Variants in NF1 observed in about 807,000 individuals in gnomAD.
NF1 encodes the protein neurofibromin 1, also known as neurofibromin.
A neutral mutation model predicts 325.7 loss-of-function variants in NF1; 122 were observed. That is an observed-to-expected ratio of 0.37 (90% confidence interval 0.32 to 0.44). The LOEUF (loss-of-function observed/expected upper bound fraction) is 0.44, where lower values mean the gene tolerates loss of function less well. Among genes scored for constraint, NF1 ranks in the 20% least tolerant of loss-of-function variants. The pLI is 1.00. For synonymous variants in NF1, 1,091 were observed against 1,186.0 expected (o/e 0.92, Z 1.65); for missense variants, 2,140 against 3,415.4 (o/e 0.63, Z 9.31).
chr17:31,237,734 A>G (rs2067228241), intron 29 of NF1, among the ~76,000 whole-genome samples: 1 of 150,546 alleles, frequency 6.6e-6, no homozygotes, highest in African/African-American at 2.5e-5. Flanking sequence ...GTGCCCTACA[A>G]TTTTACTGAA....
chr17:31,242,182 C>A (rs907554665), intron 29 of NF1, among the ~76,000 whole-genome samples: 1 of 151,458 alleles, frequency 6.6e-6, no homozygotes, highest in African/African-American at 2.4e-5. Flanking sequence ...TATCCTTGAC[C>A]TTTGGGAGTC....
Position 31,265,166 on chromosome 17 carries a change from A to G in NF1, c.4725-63A>G, listed in dbSNP as rs1474487512. The G allele has an allele frequency of 4.5e-6, 5 of 1,104,748 alleles. No individual in the cohort carries two copies. The East Asian group carries it at 1.2e-4, about 27-fold the overall frequency. The allele number at this position is 1,104,748 out of a possible 1,614,324, so 68.4% of individuals were successfully genotyped here. A position where few individuals can be genotyped will look rare whatever the true frequency, so the allele number is the denominator to read the frequency against. On this transcript the variant is annotated intron_variant, in intron 35 of 57. Coordinates refer to ENST00000358273, the MANE Select transcript of NF1 (RefSeq NM_001042492.3). Reference sequence around the variant, plus strand: ...TATTTTATTGTTTATCCAATTATAGACTTTTTTACATACTCAGTAGACAAC... The same window carrying G: ...TATTTTATTGTTTATCCAATTATAGGCTTTTTTACATACTCAGTAGACAAC...
intron 1 of NF1, among the ~76,000 whole-genome samples, chr17:31,135,081 G>A (rs944295774): frequency 5.9e-5 from 9 of 152,094 alleles, no homozygotes; most frequent in African/African-American, 2.4e-5. Context: ...TTTTACATAG[G>A]AGTTTGATCA....
rs17887156 is a variant in NF1 at position 31,358,461 on chromosome 17, G to T, written c.7971-19G>T. 5,275 of 1,610,870 alleles carry T rather than the reference G, an allele frequency of 3.3e-3. 169 individuals carry two copies. The African/African-American group carries it at 0.062, about 19-fold the overall frequency. On this transcript the variant is annotated intron_variant, in intron 54 of 57. Coordinates refer to ENST00000358273, the MANE Select transcript of NF1 (RefSeq NM_001042492.3). ...TTTTCCTCTAAAATGTTCCTCTGTTGACTTTTTTTTTCTTTTAGGCATAAT... is the reference window on the plus strand; with the variant it reads ...TTTTCCTCTAAAATGTTCCTCTGTTTACTTTTTTTTTCTTTTAGGCATAAT...
intron 1 of NF1, among the ~76,000 whole-genome samples, chr17:31,099,616 A>G (rs1157537317): frequency 1.3e-5 from 2 of 148,616 alleles, no homozygotes; most frequent in African/African-American, 2.5e-5. Context: ...CTGGAGTGCA[A>G]TGGGGAGATC....
chr17:31,112,320 T>C (rs547120816), intron 1 of NF1, among the ~76,000 whole-genome samples: 1 of 152,298 alleles, frequency 6.6e-6, no homozygotes, highest in Non-Finnish European at 1.5e-5. Context: ...GGTGGATGTA[T>C]ATAATAATGT....
chr17:31,341,594 AGTGT>A (rs760580157), intron 47 of NF1, among the ~76,000 whole-genome samples: 134 of 145,042 alleles, frequency 9.2e-4, no homozygotes, highest in Middle Eastern at 3.5e-3. Context: ...ATATATATAA[AGTGT>A]GTGTGTGTGT....
At chr17:31,189,808 C>T (rs1217484715) in intron 8 of NF1, among the ~76,000 whole-genome samples, 4 of 139,158 alleles carry the variant, frequency 2.9e-5, no homozygotes, top group Admixed American at 2.3e-4. Flanking sequence ...GTTGCCCAGG[C>T]TGGAGTGCAA....
At chr17:31,217,857 C>A (rs1486467643) in intron 13 of NF1, among the ~76,000 whole-genome samples, 1 of 145,884 alleles carries the variant, frequency 6.9e-6, no homozygotes, top group Non-Finnish European at 1.5e-5. Flanking sequence ...CCCAGCTACT[C>A]GGGAGGCTGA....
chr17:31,107,353 A>G (rs1912948807), intron 1 of NF1, among the ~76,000 whole-genome samples: 2 of 152,296 alleles, frequency 1.3e-5, no homozygotes, highest in South Asian at 4.1e-4. Context: ...ATTGGCGACA[A>G]AGATCAACGA....
At chr17:31,274,731 GTAA>G (rs2067969507) in intron 36 of NF1, among the ~76,000 whole-genome samples, 1 of 62 alleles carries the variant, frequency 0.016, no homozygotes, top group Non-Finnish European at 0.042. Flanking sequence ...TATATAGTTG[GTAA>G]TAGTAATAGT....
chr17:31,177,455 T>C (rs537392048), intron 5 of NF1, among the ~76,000 whole-genome samples: 5 of 151,982 alleles, frequency 3.3e-5, no homozygotes, highest in African/African-American at 1.2e-4. Context: ...CGAGCACGCC[T>C]CTTCTCCTCC....
intron 31 of NF1, among the ~76,000 whole-genome samples, chr17:31,256,715 C>T (rs562122902): frequency 1.0e-3 from 152 of 152,240 alleles, no homozygotes; most frequent in Non-Finnish European, 1.7e-3. Context: ...TATATTTGAG[C>T]TAAAAATAAA....
intron 4 of NF1, among the ~76,000 whole-genome samples, chr17:31,164,619 C>G (rs1247124164): frequency 1.3e-5 from 2 of 152,116 alleles, no homozygotes; most frequent in African/African-American, 2.4e-5. Flanking sequence ...TTTACTGATT[C>G]CTTTGTTGTT....
chr17:31,250,047 G>A, intron 30 of NF1: 3 of 496,446 alleles, frequency 6.0e-6, no homozygotes, highest in South Asian at 4.7e-5. Context: ...AAAGCTGTTT[G>A]AGGCTGCTCT....
At chr17:31,347,372 T>C (rs2070020397) in intron 48 of NF1, among the ~76,000 whole-genome samples, 1 of 152,078 alleles carries the variant, frequency 6.6e-6, no homozygotes, top group South Asian at 2.1e-4. Context: ...GCTTTATGAT[T>C]ATGAGAAAAC....
chr17:31,334,233 C>T (rs1337844892), intron 39 of NF1, among the ~76,000 whole-genome samples: 1 of 151,554 alleles, frequency 6.6e-6, no homozygotes, highest in Non-Finnish European at 1.5e-5. Context: ...GGAGGCGGAA[C>T]TTGCAGTGAG....
chr17:31,130,375 C>T (rs891307618), intron 1 of NF1, among the ~76,000 whole-genome samples: 5 of 152,188 alleles, frequency 3.3e-5, no homozygotes, highest in Admixed American at 6.5e-5. Context: ...AATTCTTGTT[C>T]GCATGTGCCA....
intron 1 of NF1, among the ~76,000 whole-genome samples, chr17:31,114,210 G>C (rs984804394): frequency 2.0e-5 from 3 of 152,144 alleles, no homozygotes; most frequent in African/African-American, 2.4e-5. Context: ...AACTACTTCT[G>C]CTGTACATTC....
Sources: allele counts gnomAD v4.1 joint callset (sites outside exome capture counted in the v4.1 genomes callset), GRCh38; gene constraint gnomAD v4.1.1; transcripts MANE v1.5; gene names NCBI Gene and HGNC (gene_info 2026-07-23, HGNC 2026-07-21).